SHANK2: variants seen among roughly 807,000 people sequenced by gnomAD.
SHANK2 encodes the protein SH3 and multiple ankyrin repeat domains 2.
Under a neutral mutation model 133.7 loss-of-function variants are expected in SHANK2, and 43 were observed. The ratio of observed to expected loss-of-function variants is 0.32; its 90% CI spans 0.25 to 0.41. The LOEUF is 0.41. Ranked by LOEUF, SHANK2 falls within the 10% of genes least tolerant of loss-of-function variation. The probability of loss-of-function intolerance (pLI) is 1.00; values close to 1 mark genes in which losing one functional copy is unlikely to be tolerated. For missense variants in SHANK2, 1,994 were observed against 2,235.8 expected (o/e 0.89, Z 2.18); for synonymous variants, 1,017 against 952.8 (o/e 1.07, Z -1.24).
At chr11:70,916,970 T>C (rs1555079985) in intron 10 of SHANK2, among the ~76,000 whole-genome samples, 1 of 152,200 alleles carries the variant, frequency 6.6e-6, no homozygotes, top group East Asian at 1.9e-4. Context: ...CCATTGCTTT[T>C]GGATGCTTTG....
chr11:70,799,584 C>A (rs1947997774), intron 13 of SHANK2, among the ~76,000 whole-genome samples: 2 of 152,230 alleles, frequency 1.3e-5, no homozygotes, highest in African/African-American at 4.8e-5. Flanking sequence ...GCTTATTAAT[C>A]AGGAACCTAT....
In SHANK2 at chr11:70,500,580, C is replaced by T. The variant is rs2059035101; in HGVS notation, c.2298G>A (p.Arg766=). The change falls in exon 21 of 26, where the codon CGG becomes CGA. Residue 766 remains arginine (R), a synonymous_variant. Transcript: ENST00000601538. This position sits in a 1 kb window ranked among gnomAD's most constrained non-coding sequence, Gnocchi z 4.5. ...CTGGGCCTCCCTTACCCTTCTTCTT[C>T]CGGACCGAGGCTTGCAAACAGAAAG... The part of the protein sequence containing the change: ...LEELVDKASV[R]KKKDKPEEIV... 2 of 1,603,726 alleles carry T rather than the reference C, an allele frequency of 1.2e-6. No homozygotes were observed. Among genetic ancestry groups the T allele is most frequent in the Admixed American group, 1.7e-5 (1 of 58,798 alleles).
rs576165402 is a variant in SHANK2 at position 70,511,255 on chromosome 11, C to T, written c.2062-8324G>A. The stretch of plus-strand genomic sequence containing the variant: ...CGCAACAAGGCAGGACTGGATACTT[C>T]AGTTACATTTCCCTACCCAGTTCAG... On this transcript the variant is annotated intron_variant, in intron 17 of 25. Coordinates refer to ENST00000601538, the MANE Select transcript of SHANK2 (RefSeq NM_012309.5). Among the ~76,000 whole-genome samples the T allele has an allele frequency of 1.4e-4, 22 of 152,318 alleles. No homozygotes were observed. The East Asian group carries it at 3.5e-3, about 24-fold the overall frequency.
chr11:70,663,371 G>A (rs951927607), intron 15 of SHANK2, among the ~76,000 whole-genome samples: 1 of 152,120 alleles, frequency 6.6e-6, no homozygotes, highest in South Asian at 2.1e-4. Flanking sequence ...GGATGACAGG[G>A]CTCAGTATCC....
At chr11:70,616,578 A>G (rs11236882) in intron 17 of SHANK2, among the ~76,000 whole-genome samples, 87,858 of 152,072 alleles carry the variant, frequency 0.58, 25,852 homozygotes, top group Middle Eastern at 0.71. Context: ...TGTTCCCCAC[A>G]GACCCTGGAA....
chr11:70,766,789 G>A (rs1947132354), intron 14 of SHANK2, among the ~76,000 whole-genome samples: 1 of 151,996 alleles, frequency 6.6e-6, no homozygotes, highest in Non-Finnish European at 1.5e-5. Context: ...TCTAATTTTA[G>A]TGGCAATGTT....
At chr11:70,547,895 T>C (rs1253197722) in intron 17 of SHANK2, among the ~76,000 whole-genome samples, 2 of 152,262 alleles carry the variant, frequency 1.3e-5, no homozygotes, top group Non-Finnish European at 2.9e-5. Context: ...CTGAGCTTCA[T>C]GGCAGCAGAG....
At chr11:70,873,834 G>C (rs1555070686) in intron 11 of SHANK2, among the ~76,000 whole-genome samples, 1 of 151,770 alleles carries the variant, frequency 6.6e-6, no homozygotes, top group African/African-American at 2.4e-5. Flanking sequence ...CCAGTGAGAA[G>C]ACCAAATAAC....
chr11:71,236,243 A>C (rs782262447), intron 1 of SHANK2, among the ~76,000 whole-genome samples: 7 of 152,240 alleles, frequency 4.6e-5, no homozygotes, highest in Non-Finnish European at 8.8e-5. Context: ...AAAATTATTC[A>C]GGAACAAAAT....
chr11:70,911,183 T>C (rs1565400844), intron 10 of SHANK2: 1 of 456,618 alleles, frequency 2.2e-6, no homozygotes, highest in South Asian at 1.5e-5. Flanking sequence ...ACACAGGCCT[T>C]AAGCACAGAG....
Position 70,692,309 on chromosome 11 carries a change from G to T in SHANK2, c.1853+6379C>A, listed in dbSNP as rs572928310. Among the ~76,000 whole-genome samples, 12 of 152,268 alleles carry T rather than the reference G, an allele frequency of 7.9e-5. No individual in the cohort carries two copies. In the East Asian group the frequency reaches 2.3e-3, roughly 29 times the overall value. On this transcript the variant is annotated intron_variant, in intron 15 of 25. Coordinates refer to ENST00000601538, the MANE Select transcript of SHANK2 (RefSeq NM_012309.5). ...CTGCTCACAACTCAGCACCCCTCTG[G>T]ATTTATATAGCACATGCCTCTTAGG...
intron 17 of SHANK2, among the ~76,000 whole-genome samples, chr11:70,576,196 A>C (rs921979659): frequency 2.6e-5 from 4 of 152,114 alleles, no homozygotes; most frequent in African/African-American, 7.2e-5. Context: ...AGGTGCTGGG[A>C]TGCAGACGAG....
At chr11:70,908,400 G>C (rs887379629) in intron 10 of SHANK2, among the ~76,000 whole-genome samples, 2 of 152,214 alleles carry the variant, frequency 1.3e-5, no homozygotes, top group African/African-American at 2.4e-5. Context: ...CCTCAGGACA[G>C]TGCTCCACAT....
chr11:70,872,431 C>T (rs1046946621), intron 11 of SHANK2: 1 of 152,764 alleles, frequency 6.5e-6, no homozygotes, highest in African/African-American at 2.4e-5. Context: ...AGAGGAAAGA[C>T]AAGTAGGATG....
At chr11:71,216,302 C>T (rs1335268308) in intron 2 of SHANK2, among the ~76,000 whole-genome samples, 1 of 152,158 alleles carries the variant, frequency 6.6e-6, no homozygotes, top group Non-Finnish European at 1.5e-5. Context: ...AGGAAGGAAT[C>T]ACTGAATCAT....
chr11:71,181,121 G>A (rs1555113704), intron 2 of SHANK2, among the ~76,000 whole-genome samples: 1 of 152,110 alleles, frequency 6.6e-6, no homozygotes, highest in Admixed American at 6.5e-5. Flanking sequence ...ACGAGGGGAG[G>A]TCTGGAGAAG....
Position 70,533,121 on chromosome 11 carries a change from G to A in SHANK2, c.2062-30190C>T, listed in dbSNP as rs576581505. ...AATGGGAGGGACGGCCCTTGGGGAC[G>A]GGGTTTCCTTCTGGGGTGATGGAAA... On this transcript the variant is annotated intron_variant, in intron 17 of 25. Transcript: ENST00000601538. Among the ~76,000 whole-genome samples the A allele has an allele frequency of 3.9e-5, 6 of 152,326 alleles. No homozygotes were observed. The South Asian group carries it at 8.3e-4, about 21-fold the overall frequency.
chr11:70,613,978 T>A (rs1288208708), intron 17 of SHANK2, among the ~76,000 whole-genome samples: 6 of 152,100 alleles, frequency 3.9e-5, no homozygotes, highest in Non-Finnish European at 7.4e-5. Context: ...TTGGCCAAGC[T>A]AGTCTCCAAC....
At chr11:70,843,640 G>A (rs1389048778) in intron 11 of SHANK2, among the ~76,000 whole-genome samples, 2 of 151,882 alleles carry the variant, frequency 1.3e-5, no homozygotes, top group Non-Finnish European at 1.5e-5. Flanking sequence ...GCAGAGACAG[G>A]CTGCAGGAGG....
Sources: allele counts gnomAD v4.1 joint callset (sites outside exome capture counted in the v4.1 genomes callset), GRCh38; gene constraint gnomAD v4.1.1; non-coding constraint Gnocchi (gnomAD v3.1); transcripts MANE v1.5; gene names NCBI Gene and HGNC (gene_info 2026-07-23, HGNC 2026-07-21).